The following NELL1 variants were observed in gnomAD, a reference collection of about 807,000 sequenced individuals.
NELL1 encodes protein kinase C-binding protein NELL1.
In NELL1, 76 loss-of-function variants were observed where a neutral mutation model predicts 107.4. The ratio of observed to expected loss-of-function variants is 0.71; its 90% CI spans 0.59 to 0.86. The LOEUF (loss-of-function observed/expected upper bound fraction) is 0.86. NELL1 is among the 40% of genes least tolerant of loss of function. The pLI, the probability that NELL1 is intolerant of heterozygous loss-of-function variation, is 0.00. For missense variants in NELL1, 1,024 were observed against 1,005.5 expected (o/e 1.02, Z -0.25); for synonymous variants, 353 against 341.2 (o/e 1.03, Z -0.38).
At chr11:20,779,535 A>C (rs112392553) in intron 2 of NELL1, among the ~76,000 whole-genome samples, 135 of 152,352 alleles carry the variant, frequency 8.9e-4, no homozygotes, top group African/African-American at 3.2e-3. Context: ...TGAATATGGA[A>C]GTACAATATT....
intron 12 of NELL1, among the ~76,000 whole-genome samples, chr11:21,071,929 T>C (rs1854025096): frequency 1.3e-5 from 2 of 152,148 alleles, no homozygotes; most frequent in Non-Finnish European, 2.9e-5. Context: ...CTCTGATGAC[T>C]CACTTTGTCT....
At chr11:21,111,320 A>G (rs527770120) in intron 12 of NELL1, among the ~76,000 whole-genome samples, 1 of 152,252 alleles carries the variant, frequency 6.6e-6, no homozygotes, top group African/African-American at 2.4e-5. Context: ...GTACATGACT[A>G]AATGATGCTT....
chr11:20,829,791 AT>A (rs560933339), intron 3 of NELL1, among the ~76,000 whole-genome samples: 1 of 150,072 alleles, frequency 6.7e-6, no homozygotes, highest in South Asian at 2.1e-4. Context: ...AGTTATTATT[AT>A]TTTTTTTTGG....
chr11:21,489,385 A>G (rs1854735117), intron 15 of NELL1, among the ~76,000 whole-genome samples: 1 of 118,424 alleles, frequency 8.4e-6, no homozygotes, highest in Non-Finnish European at 1.6e-5. Flanking sequence ...TATTTCAAAA[A>G]AAAAAAAAAA....
intron 14 of NELL1, among the ~76,000 whole-genome samples, chr11:21,278,029 C>G (rs1848908238): frequency 7.3e-6 from 1 of 137,890 alleles, no homozygotes; most frequent in Non-Finnish European, 1.6e-5. Context: ...GCACATGTAC[C>G]CTAAAACTTG....
intron 3 of NELL1, among the ~76,000 whole-genome samples, chr11:20,785,250 G>A (rs551306188): frequency 6.6e-6 from 1 of 152,202 alleles, no homozygotes; most frequent in African/African-American, 2.4e-5. Context: ...ATGGTTGTTT[G>A]TTCTCAGCCT....
chr11:21,456,413 C>G (rs73461292), intron 15 of NELL1, among the ~76,000 whole-genome samples: 1 of 151,802 alleles, frequency 6.6e-6, no homozygotes, highest in African/African-American at 2.4e-5. Flanking sequence ...CAAAACTGCA[C>G]GATGTACTTC....
chr11:20,964,565 G>A (rs539140918), intron 12 of NELL1, among the ~76,000 whole-genome samples: 4 of 152,174 alleles, frequency 2.6e-5, no homozygotes, highest in Non-Finnish European at 5.9e-5. Context: ...GTACAGACAA[G>A]AGGATTCAGA....
At chr11:21,508,046 A>C (rs9804568) in intron 15 of NELL1, among the ~76,000 whole-genome samples, 57,847 of 151,980 alleles carry the variant, frequency 0.38, 13,025 homozygotes, top group Non-Finnish European at 0.52. Flanking sequence ...AGCCTCCCAA[A>C]GTGCTGGGAT....
chr11:20,713,693 T>A (rs1346241547), intron 2 of NELL1, among the ~76,000 whole-genome samples: 1 of 152,196 alleles, frequency 6.6e-6, no homozygotes, highest in Non-Finnish European at 1.5e-5. Context: ...TGTGTCCAGT[T>A]GAAATTATTA....
intron 11 of NELL1, among the ~76,000 whole-genome samples, chr11:20,948,802 G>C (rs962097151): frequency 3.4e-4 from 51 of 148,836 alleles, no homozygotes; most frequent in Non-Finnish European, 6.8e-4. Flanking sequence ...TAAACTCATA[G>C]GTATTATTTT....
At chr11:20,724,386 C>T (rs1156725617) in intron 2 of NELL1, among the ~76,000 whole-genome samples, 1 of 152,192 alleles carries the variant, frequency 6.6e-6, no homozygotes, top group East Asian at 1.9e-4. Context: ...TCTTCGTGAG[C>T]ATATATAACT....
chr11:21,382,245 A>T (rs576542662), intron 15 of NELL1, among the ~76,000 whole-genome samples: 2 of 152,036 alleles, frequency 1.3e-5, no homozygotes, highest in African/African-American at 4.8e-5. Flanking sequence ...TAATCATCCA[A>T]ATATGTGGAA....
At chr11:21,503,165 G>A (rs1160828102) in intron 15 of NELL1, among the ~76,000 whole-genome samples, 4 of 152,210 alleles carry the variant, frequency 2.6e-5, no homozygotes, top group Admixed American at 6.5e-5. Context: ...ACAAGCGTGA[G>A]CCACTGCACC....
chr11:21,185,600 G>GT (rs1019805699), intron 13 of NELL1, among the ~76,000 whole-genome samples: 4 of 151,576 alleles, frequency 2.6e-5, no homozygotes, highest in South Asian at 2.1e-4. Flanking sequence ...TGGCCCTATC[G>GT]TTTTTTTACT....
intron 15 of NELL1, among the ~76,000 whole-genome samples, chr11:21,391,962 G>A (rs553334723): frequency 6.6e-6 from 1 of 151,934 alleles, no homozygotes; most frequent in Admixed American, 6.6e-5. Context: ...TTGTAGGGAA[G>A]AGTCTTTCTG....
intron 2 of NELL1, among the ~76,000 whole-genome samples, chr11:20,727,253 C>T (rs1855528631): frequency 6.6e-6 from 1 of 152,192 alleles, no homozygotes; most frequent in South Asian, 2.1e-4. Flanking sequence ...TCCTCTCCAG[C>T]ACCTGTTGTT....
At chr11:21,249,391 A>C (rs1328365276) in intron 14 of NELL1, among the ~76,000 whole-genome samples, 1 of 152,080 alleles carries the variant, frequency 6.6e-6, no homozygotes, top group South Asian at 2.1e-4. Context: ...TTCTTGAAAG[A>C]AGGTTTTTTT....
chr11:21,207,895 T>A (rs1174276687), intron 13 of NELL1, among the ~76,000 whole-genome samples: 1 of 152,320 alleles, frequency 6.6e-6, no homozygotes, highest in East Asian at 1.9e-4. Flanking sequence ...TTCTTTCTTT[T>A]TTTAAAAATA....
Sources: gnomAD v4.1 joint callset for allele counts (sites outside exome capture counted in the v4.1 genomes callset) on GRCh38, gnomAD v4.1.1 for gene constraint, MANE v1.5 for transcripts, NCBI Gene and HGNC (gene_info 2026-07-23, HGNC 2026-07-21) for gene names.